The following FUT8 variants were observed in gnomAD, a reference collection of about 807,000 sequenced individuals.
FUT8 encodes alpha-(1,6)-fucosyltransferase.
Under a neutral mutation model 71.3 loss-of-function variants are expected in FUT8, and 29 were observed. That is an observed-to-expected ratio of 0.41 (90% CI 0.30 to 0.55). FUT8 has a LOEUF of 0.55. FUT8 is among the 20% of genes least tolerant of loss of function. The pLI, the probability that FUT8 is intolerant of heterozygous loss-of-function variation, is 0.34. For missense variants in FUT8, 544 were observed against 702.1 expected, an observed-to-expected ratio of 0.77 and a Z score of 2.55; for synonymous variants, 254 against 239.3, an observed-to-expected ratio of 1.06 and a Z score of -0.57.
upstream of FUT8, among the ~76,000 whole-genome samples, chr14:65,407,214 T>C (rs1409918824): frequency 3.9e-5 from 6 of 152,208 alleles, no homozygotes; most frequent in Admixed American, 3.9e-4. Flanking sequence ...GGCTCAATAC[T>C]TCTCTATCCT....
intron 2 of FUT8, among the ~76,000 whole-genome samples, chr14:65,508,404 T>C (rs916545279): frequency 6.6e-6 from 1 of 151,196 alleles, no homozygotes; most frequent in Admixed American, 6.6e-5. Flanking sequence ...GCTAGTTGTA[T>C]GTCTGTTTTT....
chr14:65,444,516 AAAC>A (rs939326034), intron 1 of FUT8, among the ~76,000 whole-genome samples: 2 of 152,200 alleles, frequency 1.3e-5, no homozygotes, highest in African/African-American at 4.8e-5. Flanking sequence ...CCAAAACTGG[AAAC>A]AACCCAAATG....
At chr14:65,584,886 T>C (rs1249321538) in intron 3 of FUT8, among the ~76,000 whole-genome samples, 1 of 152,218 alleles carries the variant, frequency 6.6e-6, no homozygotes, top group Non-Finnish European at 1.5e-5. Context: ...TCAGGCTTTG[T>C]AGTCAGACAG....
chr14:65,739,077 G>C (rs938351802), intron 10 of FUT8, among the ~76,000 whole-genome samples: 1 of 151,904 alleles, frequency 6.6e-6, no homozygotes, highest in Admixed American at 6.6e-5. Flanking sequence ...TAATCTTTCT[G>C]TGGCTTAGCT....
At chr14:65,372,852 T>TA in the FUT8 span, among the ~76,000 whole-genome samples, 1 of 152,214 alleles carries the variant, frequency 6.6e-6, no homozygotes, top group Non-Finnish European at 1.5e-5. Flanking sequence ...TTTGTACTCT[T>TA]ACTTGCTTTT....
intron 1 of FUT8, among the ~76,000 whole-genome samples, chr14:65,424,123 A>G (rs995129457): frequency 6.6e-6 from 1 of 152,256 alleles, no homozygotes. Context: ...CGTACTAAAC[A>G]TAATGAAACC....
intron 6 of FUT8, among the ~76,000 whole-genome samples, chr14:65,648,211 T>C (rs1340446985): frequency 6.6e-6 from 1 of 152,234 alleles, no homozygotes; most frequent in African/African-American, 2.4e-5. Context: ...GCCAAAGATA[T>C]TTACTGTCTC....
At chr14:65,604,411 C>A (rs558691260) in intron 3 of FUT8, among the ~76,000 whole-genome samples, 2 of 151,942 alleles carry the variant, frequency 1.3e-5, no homozygotes, top group South Asian at 4.2e-4. Context: ...CTCTCTTAGA[C>A]CACAGTGGGA....
At chr14:65,702,886 A>G (rs1470062707) in intron 7 of FUT8, among the ~76,000 whole-genome samples, 1 of 152,120 alleles carries the variant, frequency 6.6e-6, no homozygotes, top group Non-Finnish European at 1.5e-5. Flanking sequence ...AGCTGGGACT[A>G]CAGGTGCATG....
rs1200417362 is a variant in FUT8 at position 65,489,601 on chromosome 14, G to C, written c.-228+33883G>C. The stretch of plus-strand genomic sequence containing the variant: ...ATTTGAATAATTGTCCAGGAAATTA[G>C]CTGTTGATCATATTTAAAATATAAC... On this transcript the variant is annotated intron_variant, in intron 2 of 10. Transcript: ENST00000673929. This position sits in a 1 kb window ranked among gnomAD's most constrained non-coding sequence, Gnocchi z 4.0. Among the ~76,000 whole-genome samples the C allele has an allele frequency of 6.6e-6, 1 of 152,078 alleles. No individual in the cohort carries two copies. The highest frequency in any genetic ancestry group is 1.5e-5 in the Non-Finnish European group (1 of 67,978).
chr14:65,637,827 A>G (rs1173097470), intron 6 of FUT8, among the ~76,000 whole-genome samples: 1 of 152,094 alleles, frequency 6.6e-6, no homozygotes, highest in African/African-American at 2.4e-5. Flanking sequence ...TTTGTGTGGC[A>G]GAAGCCAGGA....
At chr14:65,733,046 C>A (rs916570832) in intron 9 of FUT8, among the ~76,000 whole-genome samples, 185 bp from the exon 10 acceptor site, 4 of 152,114 alleles carry the variant, frequency 2.6e-5, no homozygotes, top group Admixed American at 1.3e-4. Flanking sequence ...ATTTAATATA[C>A]AGGGCATTCC....
chr14:65,717,376 G>GGCT (rs1895159389), intron 7 of FUT8, among the ~76,000 whole-genome samples: 1 of 142,310 alleles, frequency 7.0e-6, no homozygotes, highest in South Asian at 2.3e-4. Flanking sequence ...CAGACGGGGC[G>GGCT]GCCAGGCAGA....
chr14:65,441,141 AC>A (rs1566748916), intron 1 of FUT8, among the ~76,000 whole-genome samples: 1 of 149,404 alleles, frequency 6.7e-6, no homozygotes, highest in Admixed American at 6.6e-5. Flanking sequence ...GTGGAAAGAT[AC>A]ATATGTTTTT....
Position 65,638,961 on chromosome 14 carries a change from A to T in FUT8, c.597+9355A>T, listed in dbSNP as rs1455363941. 6.6e-6 allele frequency among the ~76,000 whole-genome samples: 1 copy of T among 152,208 alleles called. No individual in the cohort carries two copies. The highest frequency in any genetic ancestry group is 1.5e-5 in the Non-Finnish European group (1 of 68,034). ...TTGCTAAATATTTAATACAACTGGG[A>T]TGGGCAGAAACCTTCAGAGCTTTTC... is the stretch of plus-strand genomic sequence containing the variant. On this transcript the variant is annotated intron_variant, in intron 6 of 10. Coordinates refer to ENST00000673929, the MANE Select transcript of FUT8 (RefSeq NM_001371533.1). This position sits in a 1 kb window ranked among gnomAD's most constrained non-coding sequence, Gnocchi z 4.5.
At chr14:65,616,529 A>G (rs1435117023) in intron 5 of FUT8, among the ~76,000 whole-genome samples, 156 bp downstream of exon 5, 1 of 152,222 alleles carries the variant, frequency 6.6e-6, no homozygotes, top group Non-Finnish European at 1.5e-5. Context: ...AAGGATGGTA[A>G]TTGCCAAGTG....
chr14:65,488,235 G>GTT (rs1204706568), intron 2 of FUT8: 1 of 152,220 alleles, frequency 6.6e-6, no homozygotes, highest in Non-Finnish European at 1.5e-5. Context: ...TTTGAATAGG[G>GTT]TTTTGCAGCA....
chr14:65,713,406 A>C (rs1400637426), intron 7 of FUT8, among the ~76,000 whole-genome samples: 1 of 152,080 alleles, frequency 6.6e-6, no homozygotes, highest in Non-Finnish European at 1.5e-5. Context: ...CTTTCTTTTG[A>C]GCATATACCC....
chr14:65,593,092 A>G (rs1302158149), intron 3 of FUT8, among the ~76,000 whole-genome samples: 1 of 152,168 alleles, frequency 6.6e-6, no homozygotes, highest in Non-Finnish European at 1.5e-5. Flanking sequence ...CTAGGCTCTA[A>G]TGATGTTTAT....
Sources: allele counts gnomAD v4.1 joint callset (sites outside exome capture counted in the v4.1 genomes callset), GRCh38; gene constraint gnomAD v4.1.1; non-coding constraint Gnocchi (gnomAD v3.1); transcripts MANE v1.5; gene names NCBI Gene and HGNC (gene_info 2026-07-23, HGNC 2026-07-21).